The following CTCF variants were observed in gnomAD, a reference collection of about 807,000 sequenced individuals.
CTCF encodes the protein CCCTC-binding factor.
A neutral mutation model predicts 72.3 loss-of-function variants in CTCF; 7 were observed. That is an observed-to-expected ratio of 0.10 (90% CI 0.06 to 0.18). The LOEUF (loss-of-function observed/expected upper bound fraction) is 0.18, where lower values mean the gene tolerates loss of function less well. Ranked by LOEUF, CTCF falls within the 10% of genes least tolerant of loss-of-function variation. The pLI, the probability that CTCF is intolerant of heterozygous loss-of-function variation, is 1.00. For missense variants in CTCF, 516 were observed against 949.1 expected (o/e 0.54, Z 6.00); for synonymous variants, 374 against 315.8 (o/e 1.18, Z -1.95).
At chr16:67,631,570 G>A (rs1004829730) in intron 10 of CTCF, among the ~76,000 whole-genome samples, 1 of 151,810 alleles carries the variant, frequency 6.6e-6, no homozygotes, top group Non-Finnish European at 1.5e-5. Context: ...CAATGTGCTG[G>A]GATTATAGGC....
At chr16:67,563,527 GC>G (rs1259592066) in intron 1 of CTCF, 1 of 152,172 alleles carries the variant, frequency 6.6e-6, no homozygotes, top group Non-Finnish European at 1.5e-5. Context: ...CCCCCGCTGC[GC>G]CCCCAAACTC....
intron 1 of CTCF, among the ~76,000 whole-genome samples, chr16:67,570,494 G>T (rs2051401492): frequency 6.6e-6 from 1 of 151,770 alleles, no homozygotes. Context: ...TGTCGCCCAG[G>T]CTGGAGTGCC....
chr16:67,604,349 T>A (rs1172189658), intron 2 of CTCF, among the ~76,000 whole-genome samples: 1 of 151,940 alleles, frequency 6.6e-6, no homozygotes, highest in Non-Finnish European at 1.5e-5. Context: ...TTTTGTTTTG[T>A]TTGTTTGTTT....
intron 2 of CTCF, among the ~76,000 whole-genome samples, chr16:67,599,944 A>C (rs1318902309): frequency 1.3e-5 from 2 of 152,198 alleles, no homozygotes; most frequent in Non-Finnish European, 2.9e-5. Context: ...GTGGAAGTTA[A>C]AAGGCTAGTG....
intron 2 of CTCF, among the ~76,000 whole-genome samples, chr16:67,580,834 T>TG (rs2051569716): frequency 6.6e-6 from 1 of 151,242 alleles, no homozygotes; most frequent in African/African-American, 2.4e-5. Context: ...CAGGCTGGTC[T>TG]AGAACTCCTG....
chr16:67,571,015 G>A (rs1227518307), intron 1 of CTCF, 133 bp from the exon 2 acceptor site: 3 of 152,152 alleles, frequency 2.0e-5, no homozygotes, highest in Admixed American at 2.0e-4. Flanking sequence ...CTCGGTTAGT[G>A]ACATGACATG....
chr16:67,563,924 C>T (rs775176990), intron 1 of CTCF: 1 of 152,186 alleles, frequency 6.6e-6, no homozygotes, highest in Non-Finnish European at 1.5e-5. Flanking sequence ...GGTAATTTGC[C>T]CATGCGATGA....
intron 2 of CTCF, among the ~76,000 whole-genome samples, chr16:67,590,138 G>C (rs1288217793): frequency 6.7e-6 from 1 of 150,064 alleles, no homozygotes; most frequent in African/African-American, 2.5e-5. Context: ...TTAAAGAAGA[G>C]AGTTCCTTTC....
chr16:67,616,998 T>C (rs1483031468), intron 5 of CTCF, 120 bp downstream of exon 5: 6 of 988,164 alleles, frequency 6.1e-6, no homozygotes, highest in Non-Finnish European at 9.4e-6. Flanking sequence ...AGTAAATTAT[T>C]AACACTCCCA....
At chr16:67,588,188 T>A (rs528739234) in intron 2 of CTCF, among the ~76,000 whole-genome samples, 4 of 152,282 alleles carry the variant, frequency 2.6e-5, no homozygotes, top group Admixed American at 2.6e-4. Flanking sequence ...CTCACCAGAA[T>A]AGGTTTGGGA....
chr16:67,632,119 G>A (rs560150966), intron 10 of CTCF, among the ~76,000 whole-genome samples: 3 of 150,254 alleles, frequency 2.0e-5, no homozygotes, highest in Non-Finnish European at 4.5e-5. Flanking sequence ...TGAACTGTTG[G>A]GGGTTTTCAG....
Position 67,562,678 on chromosome 16 carries a change from C to T in CTCF, c.-173C>T. Reference sequence around the variant, plus strand: ...CGCCGGAGACGCCGGGTGGCCGGAGCCGTGGAGCGGCGGCGGAGCGGGCGC... The same window carrying T: ...CGCCGGAGACGCCGGGTGGCCGGAGTCGTGGAGCGGCGGCGGAGCGGGCGC... On this transcript the variant is annotated 5_prime_UTR_variant, in exon 1 of 12. Coordinates refer to ENST00000264010, the MANE Select transcript of CTCF (RefSeq NM_006565.4). The T allele has an allele frequency of 6.6e-6, 1 of 152,148 alleles. No homozygotes were observed. The highest frequency in any genetic ancestry group is 1.5e-5 in the Non-Finnish European group (1 of 68,030). The allele number at this position is 152,148 out of a possible 1,614,324, so 9.4% of individuals were successfully genotyped here. A position where few individuals can be genotyped will look rare whatever the true frequency, so the allele number is the denominator to read the frequency against.
In CTCF at chr16:67,636,740, G is replaced by A. The variant is rs761615218; in HGVS notation, c.1888G>A (p.Val630Ile). The A allele has an allele frequency of 3.0e-5, 49 of 1,609,486 alleles. No homozygotes were observed. Among genetic ancestry groups the A allele is most frequent in the Non-Finnish European group, 3.9e-5 (46 of 1,177,946 alleles). ...CAATGAGGATGAGGAGGAGCCTGCC[G>A]TAGAAATTGAACCTGAGCCAGAGCC... The part of the protein sequence containing the change: ...DDNEDEEEPA[V>I]EIEPEPEPQP... Residue 630 changes from valine (V) to isoleucine (I), a missense_variant, in exon 11 of 12, where the codon GTA becomes ATA. This residue lies in a region of CTCF where 157 missense variants were observed against 172.9 expected (regional missense o/e 0.91). Transcript: ENST00000264010.
chr16:67,590,491 T>C (rs2051727367), intron 2 of CTCF, among the ~76,000 whole-genome samples: 1 of 151,964 alleles, frequency 6.6e-6, no homozygotes, highest in African/African-American at 2.4e-5. Context: ...AGCCCTGTTA[T>C]TTTATAATTT....
chr16:67,631,948 G>A (rs376259557), intron 10 of CTCF, among the ~76,000 whole-genome samples: 2 of 151,662 alleles, frequency 1.3e-5, no homozygotes, highest in African/African-American at 4.8e-5. Flanking sequence ...TGTGGCCTGC[G>A]CCTGCGGTCC....
At chr16:67,630,637 C>G (rs1336397224) in intron 10 of CTCF, among the ~76,000 whole-genome samples, 1 of 152,036 alleles carries the variant, frequency 6.6e-6, no homozygotes, top group Non-Finnish European at 1.5e-5. Context: ...TGCCGATAGT[C>G]CCAGCTACTC....
chr16:67,611,749 C>T lies in CTCF; in HGVS notation c.781+136C>T, dbSNP rs2052065542. 3 of 1,032,264 alleles carry T rather than the reference C, an allele frequency of 2.9e-6. No individual in the cohort carries two copies. The East Asian group carries it at 7.7e-5, about 27-fold the overall frequency. The allele number at this position is 1,032,264 out of a possible 1,614,324, so 63.9% of individuals were successfully genotyped here. A position where few individuals can be genotyped will look rare whatever the true frequency, so the allele number is the denominator to read the frequency against. On this transcript the variant is annotated intron_variant, in intron 3 of 11. Transcript: ENST00000264010. ...GTGGGTACCGTTCTTTAAAACCAGTCTAAAATAAGTTTTTTCCAGATTGAA... is the reference window on the plus strand; with the variant it reads ...GTGGGTACCGTTCTTTAAAACCAGTTTAAAATAAGTTTTTTCCAGATTGAA...
At chr16:67,583,370 T>A (rs1264139237) in intron 2 of CTCF, among the ~76,000 whole-genome samples, 5 of 152,050 alleles carry the variant, frequency 3.3e-5, no homozygotes, top group African/African-American at 1.2e-4. Context: ...ATGTCCTAGG[T>A]TGCTGAGGGT....
intron 10 of CTCF, among the ~76,000 whole-genome samples, chr16:67,631,157 T>TTTTG (rs1388327701): frequency 7.1e-6 from 1 of 140,572 alleles, no homozygotes; most frequent in Non-Finnish European, 1.5e-5. Flanking sequence ...TTTGTTTGTT[T>TTTTG]TTTTTTTGTT....
Sources: gnomAD v4.1 joint callset for allele counts (sites outside exome capture counted in the v4.1 genomes callset) on GRCh38, gnomAD v4.1.1 for gene constraint, gnomAD v4.1.1 regional missense constraint, MANE v1.5 for transcripts, NCBI Gene and HGNC (gene_info 2026-07-23, HGNC 2026-07-21) for gene names.